Variants in LIMCH1 observed in about 807,000 individuals in gnomAD.
LIMCH1 encodes the protein LIM and calponin homology domains 1.
A neutral mutation model predicts 176.5 loss-of-function variants in LIMCH1; 113 were observed. That is an observed-to-expected ratio of 0.64 (90% CI 0.55 to 0.75). LIMCH1 has a LOEUF of 0.75. Among genes scored for constraint, LIMCH1 ranks in the 30% least tolerant of loss-of-function variants. The pLI, the probability that LIMCH1 is intolerant of heterozygous loss-of-function variation, is 0.00. For missense variants in LIMCH1, 1,674 were observed against 1,814.9 expected, an observed-to-expected ratio of 0.92 and a Z score of 1.41; for synonymous variants, 619 against 645.9, an observed-to-expected ratio of 0.96 and a Z score of 0.63.
chr4:41,666,799 A>T, intron 21 of LIMCH1, 133 bp downstream of exon 21: 1 of 633,578 alleles, frequency 1.6e-6, no homozygotes, highest in South Asian at 1.9e-5. Context: ...AGAGTCTGTG[A>T]TAGCTGAATT....
At chr4:41,443,189 T>A (rs1319566024) in intron 1 of LIMCH1, among the ~76,000 whole-genome samples, 1 of 48,522 alleles carries the variant, frequency 2.1e-5, no homozygotes, top group Non-Finnish European at 3.3e-5. Flanking sequence ...GGATGTTTTT[T>A]TTCTTTTTTT....
At chr4:41,449,911 G>C (rs1235551986) in intron 1 of LIMCH1, among the ~76,000 whole-genome samples, 1 of 152,200 alleles carries the variant, frequency 6.6e-6, no homozygotes, top group African/African-American at 2.4e-5. Context: ...CAGGCTTCTT[G>C]GCCTTCTTCA....
intron 2 of LIMCH1, among the ~76,000 whole-genome samples, chr4:41,502,222 C>G (rs897722077): frequency 2.6e-5 from 4 of 152,106 alleles, no homozygotes; most frequent in African/African-American, 9.7e-5. Context: ...CCATCCATGT[C>G]TCTGCAAAGG....
intron 1 of LIMCH1, among the ~76,000 whole-genome samples, chr4:41,395,869 A>G (rs956414279): frequency 2.0e-5 from 3 of 152,230 alleles, no homozygotes; most frequent in African/African-American, 7.2e-5. Flanking sequence ...TCAGACAGTG[A>G]TAAGTGTCAT....
At chr4:41,529,681 A>G (rs2077050427) in intron 3 of LIMCH1, among the ~76,000 whole-genome samples, 1 of 152,208 alleles carries the variant, frequency 6.6e-6, no homozygotes, top group African/African-American at 2.4e-5. Flanking sequence ...AAGATGGGAC[A>G]CATTTTAATG....
intron 2 of LIMCH1, among the ~76,000 whole-genome samples, chr4:41,602,145 A>G (rs2152757927): frequency 6.7e-6 from 1 of 149,096 alleles, no homozygotes; most frequent in Admixed American, 6.7e-5. Context: ...AAAAAAAAAA[A>G]AAAAAAGAGG....
intron 1 of LIMCH1, among the ~76,000 whole-genome samples, chr4:41,491,960 G>A (rs1372347575): frequency 1.3e-5 from 2 of 152,056 alleles, no homozygotes; most frequent in East Asian, 3.9e-4. Context: ...CCCAGACGAT[G>A]GGCGGCCAGG....
At chr4:41,430,889 T>TC (rs2061549946) in intron 1 of LIMCH1, among the ~76,000 whole-genome samples, 1 of 145,782 alleles carries the variant, frequency 6.9e-6, no homozygotes, top group South Asian at 2.1e-4. Context: ...TTCTGTTTTG[T>TC]TTTTTTTTTC....
intron 1 of LIMCH1, among the ~76,000 whole-genome samples, chr4:41,460,890 C>G (rs997936606): frequency 6.6e-6 from 1 of 152,218 alleles, no homozygotes; most frequent in Non-Finnish European, 1.5e-5. Context: ...GTTCCCCTGA[C>G]TGTGGCAGGT....
At chr4:41,639,170 A>G (rs1479748743) in intron 14 of LIMCH1, among the ~76,000 whole-genome samples, 2 of 152,198 alleles carry the variant, frequency 1.3e-5, no homozygotes, top group African/African-American at 4.8e-5. Context: ...GCATGATTCT[A>G]ATATGAAGCT....
intron 1 of LIMCH1, among the ~76,000 whole-genome samples, chr4:41,456,655 A>G (rs777658685): frequency 6.6e-6 from 1 of 152,176 alleles, no homozygotes; most frequent in Non-Finnish European, 1.5e-5. Flanking sequence ...GCTTTTTAGC[A>G]TTACTTTCAA....
intron 1 of LIMCH1, among the ~76,000 whole-genome samples, chr4:41,473,861 A>G (rs77633399): frequency 0.013 from 2,029 of 152,318 alleles, 41 homozygotes; most frequent in African/African-American, 0.047. Flanking sequence ...CTAATTAACA[A>G]GAAAACACAT....
At chr4:41,363,284 G>T (rs6447062) in intron 1 of LIMCH1, among the ~76,000 whole-genome samples, 35 of 152,188 alleles carry the variant, frequency 2.3e-4, no homozygotes, top group African/African-American at 8.2e-4. Context: ...TCCCCGGGTG[G>T]GGGGGCGGAT....
chr4:41,503,031 A>ATCCATCCATCCG (rs1583222022), intron 2 of LIMCH1, among the ~76,000 whole-genome samples: 1 of 151,832 alleles, frequency 6.6e-6, no homozygotes, highest in East Asian at 1.9e-4. Context: ...CCATCCATCC[A>ATCCATCCATCCG]TCCATCCATC....
intron 1 of LIMCH1, among the ~76,000 whole-genome samples, chr4:41,558,819 G>A (rs2081660918): frequency 6.6e-6 from 1 of 152,146 alleles, no homozygotes; most frequent in Non-Finnish European, 1.5e-5. Context: ...TGAATGATTG[G>A]ATTGATGCTA....
chr4:41,493,102 A>C (rs2071395637), intron 1 of LIMCH1, among the ~76,000 whole-genome samples: 1 of 152,118 alleles, frequency 6.6e-6, no homozygotes, highest in South Asian at 2.1e-4. Flanking sequence ...TTCTGTAGAC[A>C]GTACATAGTT....
At chr4:41,560,240 T>G (rs1270610272) in intron 1 of LIMCH1, among the ~76,000 whole-genome samples, 2 of 152,138 alleles carry the variant, frequency 1.3e-5, no homozygotes, top group African/African-American at 4.8e-5. Flanking sequence ...CCACACTCTC[T>G]CACACACACA....
chr4:41,656,565 G>A (rs147391225), intron 18 of LIMCH1, among the ~76,000 whole-genome samples: 1 of 152,152 alleles, frequency 6.6e-6, no homozygotes, highest in East Asian at 1.9e-4. Context: ...AAAAGTTTAA[G>A]ACATGGAGAG....
chr4:41,515,958 G>A (rs376321048), intron 2 of LIMCH1, among the ~76,000 whole-genome samples: 22 of 152,300 alleles, frequency 1.4e-4, no homozygotes, highest in African/African-American at 3.8e-4. Context: ...TTTTAGCTGC[G>A]CAAAGGAAAT....
Sources: allele counts gnomAD v4.1 joint callset (sites outside exome capture counted in the v4.1 genomes callset), GRCh38; gene constraint gnomAD v4.1.1; transcripts MANE v1.5; gene names NCBI Gene and HGNC (gene_info 2026-07-23, HGNC 2026-07-21).